The following COL4A2 variants were observed in gnomAD, a reference collection of about 807,000 sequenced individuals.
The protein encoded by COL4A2 is collagen type IV alpha 2 chain.
Under a neutral mutation model 200.2 loss-of-function variants are expected in COL4A2, and 99 were observed. The observed-to-expected ratio is 0.49, with a 90% CI of 0.42 to 0.58. The LOEUF (loss-of-function observed/expected upper bound fraction) is 0.58. Among genes scored for constraint, COL4A2 ranks in the 20% least tolerant of loss-of-function variants. The probability of loss-of-function intolerance (pLI) is 0.00; values close to 1 mark genes in which losing one functional copy is unlikely to be tolerated. For synonymous variants in COL4A2, 897 were observed against 900.6 expected, an observed-to-expected ratio of 1.00 and a Z score of 0.07; for missense variants, 1,950 against 2,314.1, an observed-to-expected ratio of 0.84 and a Z score of 3.23.
chr13:110,455,767 G>A (rs977317723), intron 20 of COL4A2, among the ~76,000 whole-genome samples: 1 of 152,204 alleles, frequency 6.6e-6, no homozygotes, highest in Admixed American at 6.5e-5. Flanking sequence ...TCACCTGGCA[G>A]TTCTCTGACT....
intron 3 of COL4A2, among the ~76,000 whole-genome samples, chr13:110,308,699 G>C (rs1884882379): frequency 6.6e-6 from 1 of 152,118 alleles, no homozygotes; most frequent in African/African-American, 2.4e-5. Context: ...GAGCTGCTCC[G>C]GGCGCCACAC....
chr13:110,321,146 G>T (rs932041855), intron 3 of COL4A2, among the ~76,000 whole-genome samples: 3 of 150,958 alleles, frequency 2.0e-5, no homozygotes, highest in Non-Finnish European at 2.9e-5. Flanking sequence ...GTCACATCAG[G>T]TCTCATATAT....
chr13:110,322,993 T>C (rs146558406), intron 3 of COL4A2, among the ~76,000 whole-genome samples: 94 of 152,296 alleles, frequency 6.2e-4, no homozygotes, highest in Admixed American at 1.9e-3. Context: ...CGTGTTGCCA[T>C]CTCCTTTTTA....
chr13:110,448,085 C>T (rs1347736068), intron 18 of COL4A2, among the ~76,000 whole-genome samples: 4 of 152,112 alleles, frequency 2.6e-5, no homozygotes, highest in Admixed American at 1.3e-4. Flanking sequence ...CCCGTAACTA[C>T]GAAGCTGGCA....
intron 3 of COL4A2, among the ~76,000 whole-genome samples, chr13:110,326,032 C>A (rs1348709165): frequency 6.6e-6 from 1 of 152,172 alleles, no homozygotes; most frequent in African/African-American, 2.4e-5. Flanking sequence ...GTGATCCTCC[C>A]TCCTTGGCCT....
intron 13 of COL4A2, among the ~76,000 whole-genome samples, chr13:110,437,240 C>T (rs895083794): frequency 6.6e-6 from 1 of 152,142 alleles, no homozygotes; most frequent in Non-Finnish European, 1.5e-5. Flanking sequence ...TATGAGTGAC[C>T]GTTGACAAAA....
At chr13:110,434,341 AT>A in intron 11 of COL4A2, 59 bp from the exon 12 acceptor site, 2 of 1,523,984 alleles carry the variant, frequency 1.3e-6, no homozygotes, top group Non-Finnish European at 8.9e-7. Flanking sequence ...AAGAAAAATA[AT>A]TTTATTTCTC....
intron 10 of COL4A2, 155 bp downstream of exon 10, chr13:110,430,762 C>A: frequency 9.7e-7 from 1 of 1,032,850 alleles, no homozygotes; most frequent in Non-Finnish European, 1.5e-6. Context: ...ACGGACCATT[C>A]CTTGCACACT....
At chr13:110,507,821 C>T (rs998509233) in intron 46 of COL4A2, 114 bp from the exon 47 acceptor site, 6 of 1,133,142 alleles carry the variant, frequency 5.3e-6, no homozygotes, top group Non-Finnish European at 7.7e-6. Context: ...GGCTAAACTC[C>T]ACCAGGTGCC....
intron 31 of COL4A2, among the ~76,000 whole-genome samples, chr13:110,480,885 C>T (rs552714540): frequency 1.2e-4 from 18 of 152,086 alleles, no homozygotes; most frequent in Non-Finnish European, 2.2e-4. Flanking sequence ...GCTGGAGACA[C>T]ACAGTTCTGT....
At chr13:110,488,260 G>A (rs1162761584) in intron 34 of COL4A2, among the ~76,000 whole-genome samples, 1 of 152,164 alleles carries the variant, frequency 6.6e-6, no homozygotes, top group East Asian at 1.9e-4. Flanking sequence ...CCTGACCTCA[G>A]GCAGTCCACC....
intron 4 of COL4A2, among the ~76,000 whole-genome samples, chr13:110,358,713 C>T (rs1037674424): frequency 1.2e-4 from 18 of 152,168 alleles, no homozygotes; most frequent in Admixed American, 5.9e-4. Context: ...GATGCGGTGC[C>T]TGATTGTACT....
intron 3 of COL4A2, among the ~76,000 whole-genome samples, chr13:110,357,252 A>T (rs557023663): frequency 9.7e-4 from 148 of 152,070 alleles, no homozygotes; most frequent in Middle Eastern, 3.4e-3. Flanking sequence ...GGGGTGGGAG[A>T]GACAGGGGTA....
intron 46 of COL4A2, among the ~76,000 whole-genome samples, chr13:110,507,177 A>G (rs1195681513): frequency 6.6e-6 from 1 of 152,230 alleles, no homozygotes; most frequent in African/African-American, 2.4e-5. Context: ...TCTCTGGGAT[A>G]CTGGCTGTGT....
At chr13:110,418,893 C>T (rs1373977084) in intron 4 of COL4A2, among the ~76,000 whole-genome samples, 1 of 152,210 alleles carries the variant, frequency 6.6e-6, no homozygotes, top group Admixed American at 6.5e-5. Flanking sequence ...AAAAATTGCT[C>T]AGAAATGCTA....
At chr13:110,383,656 C>G (rs191157175) in intron 4 of COL4A2, among the ~76,000 whole-genome samples, 1 of 138,932 alleles carries the variant, frequency 7.2e-6, no homozygotes, top group African/African-American at 2.7e-5. Flanking sequence ...CGCTCTGTCA[C>G]CCAGGTTTGA....
chr13:110,420,907 A>G (rs1386398110), intron 4 of COL4A2, among the ~76,000 whole-genome samples: 1 of 152,204 alleles, frequency 6.6e-6, no homozygotes, highest in Non-Finnish European at 1.5e-5. Flanking sequence ...AGAGGGATCC[A>G]TCTGGGAGGA....
intron 4 of COL4A2, among the ~76,000 whole-genome samples, chr13:110,372,058 CAG>C (rs1191174205): frequency 5.9e-5 from 9 of 152,168 alleles, no homozygotes; most frequent in African/African-American, 1.2e-4. Context: ...ACATCCCACT[CAG>C]GGGGTTTCCA....
At chr13:110,413,304 A>G (rs1388535259) in intron 4 of COL4A2, among the ~76,000 whole-genome samples, 1 of 152,256 alleles carries the variant, frequency 6.6e-6, no homozygotes, top group African/African-American at 2.4e-5. Flanking sequence ...CAAATCCTGC[A>G]AGAGATGCCG....
Sources: allele counts gnomAD v4.1 joint callset (sites outside exome capture counted in the v4.1 genomes callset), GRCh38; gene constraint gnomAD v4.1.1; transcripts MANE v1.5; gene names NCBI Gene and HGNC (gene_info 2026-07-23, HGNC 2026-07-21).